ELAVL1: variants seen among roughly 807,000 people sequenced by gnomAD.
The protein encoded by ELAVL1 is ELAV-like protein 1.
In ELAVL1, 1 loss-of-function variant was observed where a neutral mutation model predicts 28.4. The observed-to-expected ratio is 0.04, with a 90% CI of 0.01 to 0.17. The LOEUF is 0.17. Ranked by LOEUF, ELAVL1 falls within the 10% of genes least tolerant of loss-of-function variation. ELAVL1 has a pLI of 1.00. For missense variants in ELAVL1, 157 were observed against 447.2 expected (o/e 0.35, Z 5.85); for synonymous variants, 174 against 183.5 (o/e 0.95, Z 0.42).
rs566502419 is a variant in ELAVL1, at chr19:7,963,457, T to C, written c.*26A>G. 1.5e-5 allele frequency: 24 copies of C among 1,591,508 alleles called. No individual in the cohort carries two copies. The South Asian group carries it at 1.6e-4, about 10-fold the overall frequency. ...AACTCCTTCACTCTTAATTATCTATTCCGTACAAAAAAAAGCATGAGCGAG... is the reference window on the plus strand; with the variant it reads ...AACTCCTTCACTCTTAATTATCTATCCCGTACAAAAAAAAGCATGAGCGAG... On this transcript the variant is annotated 3_prime_UTR_variant, in exon 6 of 6. Transcript: ENST00000407627. The surrounding 1 kb of genome is among the most constrained non-coding windows in gnomAD (Gnocchi z 4.5).
intron 2 of ELAVL1, among the ~76,000 whole-genome samples, chr19:7,987,388 T>TG (rs1472569161): frequency 6.6e-6 from 1 of 152,078 alleles, no homozygotes; most frequent in East Asian, 1.9e-4. Context: ...GACCAGACAC[T>TG]GGGGCAGGGC....
chr19:7,989,212 T>A (rs1372006069), intron 2 of ELAVL1, among the ~76,000 whole-genome samples: 1 of 152,152 alleles, frequency 6.6e-6, no homozygotes, highest in African/African-American at 2.4e-5. Context: ...GCGAAGAGGT[T>A]TGCCCACACT....
chr19:7,978,157 A>G (rs2145210456), intron 3 of ELAVL1, among the ~76,000 whole-genome samples: 1 of 152,376 alleles, frequency 6.6e-6, no homozygotes, highest in South Asian at 2.1e-4. Flanking sequence ...GCTTGGCCCT[A>G]GCCCGTATTG....
chr19:8,005,427 G>A (rs1166795908), intron 1 of ELAVL1, 68 bp downstream of exon 1: 3 of 146,518 alleles, frequency 2.0e-5, no homozygotes, highest in Admixed American at 6.8e-5. Context: ...CCGCGGCCAG[G>A]CCAGGCGAGC....
intron 1 of ELAVL1, among the ~76,000 whole-genome samples, chr19:8,000,948 C>T (rs572712237): frequency 6.6e-6 from 1 of 152,362 alleles, no homozygotes; most frequent in Non-Finnish European, 1.5e-5. Context: ...AGGGATCTCA[C>T]ACAGAAGTGC....
At chr19:7,974,857 C>T (rs1985235796) in intron 3 of ELAVL1, among the ~76,000 whole-genome samples, 1 of 152,350 alleles carries the variant, frequency 6.6e-6, no homozygotes, top group South Asian at 2.1e-4. Context: ...TGAGAACACA[C>T]ACACAGCATC....
rs1033573079 is a variant in ELAVL1 at position 7,981,625 on chromosome 19, C to T, written c.173-439G>A. Among the ~76,000 whole-genome samples, 2 of 152,286 alleles carry T rather than the reference C, an allele frequency of 1.3e-5. No homozygotes were observed. The highest frequency in any genetic ancestry group is 4.8e-5 in the African/African-American group (2 of 41,540). ...TCCTCCCACCTCGGCCCCACCTCGA[C>T]CTCCCAAAGTGTTGGGATTACAGAT... On this transcript the variant is annotated intron_variant, in intron 2 of 5. Coordinates refer to ENST00000407627, the MANE Select transcript of ELAVL1 (RefSeq NM_001419.3). This position sits in a 1 kb window ranked among gnomAD's most constrained non-coding sequence, Gnocchi z 4.2.
chr19:7,983,251 C>A (rs886868173), intron 2 of ELAVL1, among the ~76,000 whole-genome samples: 1 of 152,208 alleles, frequency 6.6e-6, no homozygotes, highest in Non-Finnish European at 1.5e-5. Context: ...ACCCAGAGCA[C>A]CAAGACCGTA....
intron 2 of ELAVL1, among the ~76,000 whole-genome samples, chr19:7,985,586 C>T (rs1985577855): frequency 6.6e-6 from 1 of 152,182 alleles, no homozygotes; most frequent in Admixed American, 6.5e-5. Context: ...TGCGAGGGAG[C>T]AGGAGGACAG....
In ELAVL1 at chr19:7,979,965, C is replaced by T. The variant is rs1985409106; in HGVS notation, c.276+1118G>A. Among the ~76,000 whole-genome samples the T allele has an allele frequency of 6.6e-6, 1 of 152,118 alleles. No individual in the cohort carries two copies. Among genetic ancestry groups the T allele is most frequent in the African/African-American group, 2.4e-5 (1 of 41,410 alleles). On this transcript the variant is annotated intron_variant, in intron 3 of 5. Transcript: ENST00000407627. This position sits in a 1 kb window ranked among gnomAD's most constrained non-coding sequence, Gnocchi z 5.4. ...CCACCCTGCAGTGACTCAGGAGGCC[C>T]CCCTGTGACCATGGAATCTATATGT...
At chr19:7,969,980 AT>A (rs1001957099) in intron 4 of ELAVL1, among the ~76,000 whole-genome samples, 28 of 149,748 alleles carry the variant, frequency 1.9e-4, no homozygotes, top group African/African-American at 7.4e-5. Context: ...TTTATTTTTA[AT>A]TTTTTTTTTA....
intron 1 of ELAVL1, among the ~76,000 whole-genome samples, chr19:7,992,738 A>T (rs1985786048): frequency 6.6e-6 from 1 of 152,228 alleles, no homozygotes; most frequent in South Asian, 2.1e-4. Flanking sequence ...AATCTGAATT[A>T]CGTGCTTTAG....
chr19:7,969,037 C>T (rs964789884), intron 4 of ELAVL1, among the ~76,000 whole-genome samples: 2 of 152,122 alleles, frequency 1.3e-5, no homozygotes, highest in Non-Finnish European at 2.9e-5. Flanking sequence ...TGGGAGAGGC[C>T]GTCACAGACA....
chr19:7,968,497 G>A (rs1281094882), intron 4 of ELAVL1, among the ~76,000 whole-genome samples: 4 of 152,250 alleles, frequency 2.6e-5, no homozygotes, highest in African/African-American at 9.6e-5. Flanking sequence ...CACTGCCCAG[G>A]CTCATACAGC....
At chr19:7,972,642 T>C (rs1416174819) in intron 4 of ELAVL1, among the ~76,000 whole-genome samples, 1 of 148,942 alleles carries the variant, frequency 6.7e-6, no homozygotes, top group African/African-American at 2.5e-5. Flanking sequence ...TCTTTTTTTT[T>C]AAGAAACAGG....
intron 3 of ELAVL1, among the ~76,000 whole-genome samples, chr19:7,976,890 G>T (rs1985312914): frequency 1.4e-5 from 2 of 142,010 alleles, no homozygotes; most frequent in Non-Finnish European, 1.5e-5. Context: ...GTCTTGCTAT[G>T]TTGCTCAGGT....
At chr19:7,992,396 T>C (rs1317877323) in intron 1 of ELAVL1, among the ~76,000 whole-genome samples, 6 of 152,198 alleles carry the variant, frequency 3.9e-5, no homozygotes, top group Admixed American at 1.3e-4. Flanking sequence ...ACTCCATTCA[T>C]GTGGTTCAGC....
Position 7,963,430 on chromosome 19 carries a change from T to C in ELAVL1, c.*53A>G. 1 of 1,543,334 alleles carries C rather than the reference T, an allele frequency of 6.5e-7. No homozygotes were observed. The highest frequency in any genetic ancestry group is 8.7e-7 in the Non-Finnish European group (1 of 1,143,980). On this transcript the variant is annotated 3_prime_UTR_variant, in exon 6 of 6. Transcript: ENST00000407627. This position sits in a 1 kb window ranked among gnomAD's most constrained non-coding sequence, Gnocchi z 4.5. ...GAGTTGTACACTAACAAGAAAAGTTTCAACTCCTTCACTCTTAATTATCTA... is the reference window on the plus strand; with the variant it reads ...GAGTTGTACACTAACAAGAAAAGTTCCAACTCCTTCACTCTTAATTATCTA...
intron 3 of ELAVL1, among the ~76,000 whole-genome samples, chr19:7,975,553 C>T (rs1484430928): frequency 6.6e-6 from 1 of 152,252 alleles, no homozygotes; most frequent in Non-Finnish European, 1.5e-5. Context: ...AACCCTCTTT[C>T]CTAAGCTCCC....
Sources: gnomAD v4.1 joint callset for allele counts (sites outside exome capture counted in the v4.1 genomes callset) on GRCh38, gnomAD v4.1.1 for gene constraint, Gnocchi (gnomAD v3.1) non-coding constraint, MANE v1.5 for transcripts, NCBI Gene and HGNC (gene_info 2026-07-23, HGNC 2026-07-21) for gene names.